HAVCR1: variants seen among roughly 807,000 people sequenced by gnomAD.
HAVCR1 encodes hepatitis A virus cellular receptor 1.
Under a neutral mutation model 32.0 loss-of-function variants are expected in HAVCR1, and 34 were observed. The observed-to-expected ratio is 1.06, with a 90% confidence interval of 0.81 to 1.42. HAVCR1 has a LOEUF of 1.42. Among genes scored for constraint, HAVCR1 ranks in the 40% most tolerant of loss-of-function variants. The pLI is 0.00. For synonymous variants in HAVCR1, 178 were observed against 170.3 expected (o/e 1.05, Z -0.35); for missense variants, 420 against 442.3 (o/e 0.95, Z 0.45).
At chr5:157,037,405 T>C in intron 6 of HAVCR1, 44 bp from the exon 7 acceptor site, 1 of 891,738 alleles carries the variant, frequency 1.1e-6, no homozygotes, top group Non-Finnish European at 1.9e-6. Context: ...TGTTAGAAAG[T>C]TATGAAGAGA....
intron 7 of HAVCR1, among the ~76,000 whole-genome samples, chr5:157,036,020 C>T (rs532090572): frequency 6.6e-6 from 1 of 152,218 alleles, no homozygotes; most frequent in African/African-American, 2.4e-5. Flanking sequence ...TGGAACCAAT[C>T]CCCCAAGGGT....
the HAVCR1 span, among the ~76,000 whole-genome samples, chr5:157,065,155 T>C: frequency 6.6e-6 from 1 of 152,054 alleles, no homozygotes; most frequent in Non-Finnish European, 1.5e-5. Context: ...CCGTCTCTAC[T>C]GAAAATACAA....
intron 3 of HAVCR1, among the ~76,000 whole-genome samples, 197 bp from the exon 4 acceptor site, chr5:157,052,851 G>C (rs1553315): frequency 6.6e-6 from 1 of 152,160 alleles, no homozygotes; most frequent in African/African-American, 2.4e-5. Context: ...CCTTCCAAAA[G>C]AAAAGCAGAT....
chr5:157,053,365 A>G (rs894781765), intron 3 of HAVCR1, among the ~76,000 whole-genome samples: 3 of 141,992 alleles, frequency 2.1e-5, no homozygotes, highest in South Asian at 4.9e-4. Flanking sequence ...CCTGAGAAAC[A>G]GAGCGAGACC....
chr5:157,042,710 G>C, intron 5 of HAVCR1, 28 bp from the exon 6 acceptor site: 1 of 1,370,744 alleles, frequency 7.3e-7, no homozygotes, highest in South Asian at 1.2e-5. Flanking sequence ...AATTTAATTA[G>C]AATTACAAAA....
At chr5:157,047,868 G>T (rs1261850600) in intron 5 of HAVCR1, among the ~76,000 whole-genome samples, 2 of 152,196 alleles carry the variant, frequency 1.3e-5, no homozygotes, top group Non-Finnish European at 2.9e-5. Flanking sequence ...GTGTGGTGGG[G>T]TTGGGAGGGG....
At chr5:157,042,869 TTTC>T (rs1754995431) in intron 5 of HAVCR1, among the ~76,000 whole-genome samples, 187 bp from the exon 6 acceptor site, 1 of 152,214 alleles carries the variant, frequency 6.6e-6, no homozygotes, top group Admixed American at 6.5e-5. Context: ...TAAAGTTGTA[TTTC>T]TTAACCTTTC....
chr5:157,044,425 A>AGGAAGG (rs1190584462), intron 5 of HAVCR1, among the ~76,000 whole-genome samples: 7 of 18,954 alleles, frequency 3.7e-4, no homozygotes, highest in Non-Finnish European at 5.6e-4. Context: ...AGGAAGGAGA[A>AGGAAGG]AGAAAGAAAG....
chr5:157,047,927 G>C (rs375252808), intron 5 of HAVCR1, among the ~76,000 whole-genome samples: 1 of 152,120 alleles, frequency 6.6e-6, no homozygotes, highest in South Asian at 2.1e-4. Flanking sequence ...CCCTCTCTCC[G>C]GGTAGACAGT....
chr5:157,063,676 G>A (rs552539275), upstream of HAVCR1, among the ~76,000 whole-genome samples: 5 of 152,334 alleles, frequency 3.3e-5, no homozygotes, highest in South Asian at 1.0e-3. Flanking sequence ...GTTGAGGAAT[G>A]CTAATGCAAA....
chr5:157,068,684 C>T, the HAVCR1 span, among the ~76,000 whole-genome samples: 3 of 149,308 alleles, frequency 2.0e-5, no homozygotes, highest in African/African-American at 7.4e-5. Context: ...AGTTTTCTGG[C>T]TCACTTCATC....
intron 6 of HAVCR1, 59 bp from the exon 7 acceptor site, chr5:157,037,420 A>G (rs1041472866): frequency 1.2e-6 from 1 of 806,668 alleles, no homozygotes; most frequent in Admixed American, 2.1e-5. Flanking sequence ...AAGAGAAAAC[A>G]TTTCCCAGAA....
chr5:157,048,007 G>A (rs1043226893), intron 5 of HAVCR1, among the ~76,000 whole-genome samples: 9 of 152,112 alleles, frequency 5.9e-5, no homozygotes, highest in East Asian at 1.9e-4. Context: ...CCACACATTC[G>A]GTCACAGAAG....
chr5:157,036,430 G>A (rs947428862), intron 7 of HAVCR1, among the ~76,000 whole-genome samples: 14 of 152,182 alleles, frequency 9.2e-5, no homozygotes, highest in African/African-American at 2.4e-4. Context: ...AGTGAGCCAC[G>A]ATCGTGCCAT....
chr5:157,054,695 G>GA (rs766986383), intron 3 of HAVCR1, among the ~76,000 whole-genome samples: 12 of 152,266 alleles, frequency 7.9e-5, no homozygotes, highest in Non-Finnish European at 1.3e-4. Flanking sequence ...ACTTTGGATG[G>GA]AAAATGTATG....
intron 7 of HAVCR1, among the ~76,000 whole-genome samples, chr5:157,035,034 A>G (rs1041121530): frequency 7.9e-5 from 12 of 152,098 alleles, no homozygotes; most frequent in African/African-American, 2.9e-4. Flanking sequence ...TGACAGAGCA[A>G]GAGACTCTGT....
intron 1 of HAVCR1, 44 bp from the exon 2 acceptor site, chr5:157,057,999 GATGGT>G: frequency 7.7e-7 from 1 of 1,299,252 alleles, no homozygotes. Flanking sequence ...CCCTCCACCA[GATGGT>G]ATCTGATCAA....
chr5:157,044,449 AAG>A (rs1362114163), intron 5 of HAVCR1, among the ~76,000 whole-genome samples: 1 of 62,618 alleles, frequency 1.6e-5, no homozygotes, highest in Non-Finnish European at 3.2e-5. Context: ...GAAAGAAAGA[AAG>A]AAAGAAAGAA....
At chr5:157,057,418 A>T in intron 2 of HAVCR1, among the ~76,000 whole-genome samples, 1 of 147,208 alleles carries the variant, frequency 6.8e-6, no homozygotes, top group African/African-American at 2.5e-5. Flanking sequence ...AAAGAAAGAA[A>T]GAAAGAAAGA....
Sources: allele counts gnomAD v4.1 joint callset (sites outside exome capture counted in the v4.1 genomes callset), GRCh38; gene constraint gnomAD v4.1.1; transcripts MANE v1.5; gene names NCBI Gene and HGNC (gene_info 2026-07-23, HGNC 2026-07-21).